The following TENM2 variants were observed in gnomAD, a reference collection of about 807,000 sequenced individuals.
The protein encoded by TENM2 is teneurin transmembrane protein 2, also known as teneurin-2.
TENM2 carries 52 observed loss-of-function variants against 245.2 expected under a neutral mutation model. The ratio of observed to expected loss-of-function variants is 0.21; its 90% CI spans 0.17 to 0.27. The LOEUF is 0.27. Among genes scored for constraint, TENM2 ranks in the 10% least tolerant of loss-of-function variants. The probability of loss-of-function intolerance (pLI) is 1.00; values close to 1 mark genes in which losing one functional copy is unlikely to be tolerated. For missense variants in TENM2, 3,046 were observed against 3,666.8 expected (o/e 0.83, Z 4.37); for synonymous variants, 1,363 against 1,438.9 (o/e 0.95, Z 1.19).
the TENM2 span, among the ~76,000 whole-genome samples, chr5:167,033,756 G>A: frequency 6.6e-5 from 10 of 152,228 alleles, no homozygotes; most frequent in Admixed American, 4.6e-4. Flanking sequence ...ATCAACATAA[G>A]TAACTTAACC....
At chr5:168,254,510 A>C (rs1015794539) in intron 27 of TENM2, among the ~76,000 whole-genome samples, 3 of 151,772 alleles carry the variant, frequency 2.0e-5, no homozygotes, top group Non-Finnish European at 4.4e-5. Context: ...GAAGGGGAGG[A>C]AGAGGAAGAA....
chr5:167,992,896 C>T, intron 4 of TENM2, 48 bp from the exon 7 acceptor site: 1 of 1,459,828 alleles, frequency 6.9e-7, no homozygotes, highest in Non-Finnish European at 9.6e-7. Flanking sequence ...CTAAATGTTG[C>T]TCCTTGGCTA....
chr5:167,824,238 A>G (rs1767775694), intron 2 of TENM2, among the ~76,000 whole-genome samples: 1 of 152,138 alleles, frequency 6.6e-6, no homozygotes, highest in Non-Finnish European at 1.5e-5. Flanking sequence ...TGACACTCTG[A>G]CAGACCCCGG....
chr5:168,086,977 A>C (rs1461224650), intron 7 of TENM2, among the ~76,000 whole-genome samples: 1 of 152,172 alleles, frequency 6.6e-6, no homozygotes, highest in Non-Finnish European at 1.5e-5. Flanking sequence ...GCCTCCTTGC[A>C]AGCCAGCTTC....
In TENM2 at chr5:167,427,517, A is replaced by T. The variant is rs1582012759; in HGVS notation, c.502+52044A>T. On this transcript the variant is annotated intron_variant, in intron 2 of 28. Coordinates refer to ENST00000518659, the Ensembl canonical transcript of TENM2. ...GGGAGGAAGAGAAGGAAGGGAAGGA[A>T]GGGAGGGAGGGAAGGATGGGAAGGA... Among the ~76,000 whole-genome samples the T allele has an allele frequency of 2.2e-5, 3 of 137,070 alleles. No homozygotes were observed. In the South Asian group the frequency reaches 8.2e-4, roughly 38 times the overall value. 89.9% of individuals were successfully genotyped at this position (137,070 alleles called of 152,430 possible).
chr5:167,705,991 ATTTATTTATT>A (rs1429025426), intron 2 of TENM2, among the ~76,000 whole-genome samples: 767 of 72,774 alleles, frequency 0.011, 8 homozygotes, highest in African/African-American at 0.075. Flanking sequence ...ATATATATAT[ATTTATTTATT>A]TATTTATTTA....
chr5:167,110,408 C>T, the TENM2 span, among the ~76,000 whole-genome samples: 1 of 152,140 alleles, frequency 6.6e-6, no homozygotes, highest in African/African-American at 2.4e-5. Flanking sequence ...CATCACCATT[C>T]AAAGTCATCC....
intron 2 of TENM2, among the ~76,000 whole-genome samples, chr5:167,404,098 G>A (rs531048760): frequency 6.6e-6 from 1 of 152,118 alleles, no homozygotes; most frequent in South Asian, 2.1e-4. Flanking sequence ...TGAAGAAAAT[G>A]ACACTTATAT....
chr5:168,038,883 C>T (rs191960608), intron 5 of TENM2, among the ~76,000 whole-genome samples: 43 of 152,208 alleles, frequency 2.8e-4, no homozygotes, highest in Non-Finnish European at 4.4e-5. Flanking sequence ...GCATGTTCCC[C>T]CAGTTTCAGG....
intron 1 of TENM2, among the ~76,000 whole-genome samples, chr5:167,307,222 A>G (rs1755732507): frequency 6.6e-6 from 1 of 152,204 alleles, no homozygotes; most frequent in African/African-American, 2.4e-5. Flanking sequence ...TGGAAATTGT[A>G]GTTCAAGCTT....
intron 2 of TENM2, among the ~76,000 whole-genome samples, chr5:167,619,292 C>T (rs1228770049): frequency 1.3e-5 from 2 of 152,032 alleles, no homozygotes; most frequent in African/African-American, 2.4e-5. Context: ...ATTCTGCTAC[C>T]TTTTCACATT....
chr5:167,035,388 G>A, the TENM2 span, among the ~76,000 whole-genome samples: 1 of 152,212 alleles, frequency 6.6e-6, no homozygotes, highest in Admixed American at 6.5e-5. Flanking sequence ...GAGTTGGCAA[G>A]TTTAACCACT....
At chr5:167,756,456 G>A (rs1762318145) in intron 2 of TENM2, among the ~76,000 whole-genome samples, 1 of 152,118 alleles carries the variant, frequency 6.6e-6, no homozygotes, top group East Asian at 1.9e-4. Flanking sequence ...AAATCTGATA[G>A]GGTTTATAAT....
chr5:167,427,522 GGGAGGGAAGGATGGGAAGGAAGGGAA>G (rs1763908581), intron 2 of TENM2, among the ~76,000 whole-genome samples: 1 of 137,272 alleles, frequency 7.3e-6, no homozygotes, highest in Non-Finnish European at 1.6e-5. Context: ...AAGGAAGGGA[GGGAGGGAAGGATGGGAAGGAAGGGAA>G]GGACGGGAAG....
At chr5:167,574,152 G>A (rs542175403) in intron 2 of TENM2, 2 of 152,158 alleles carry the variant, frequency 1.3e-5, no homozygotes, top group African/African-American at 4.8e-5. Flanking sequence ...GTTTAACATA[G>A]AAAGTACCTG....
chr5:167,536,386 T>C (rs754183827), intron 2 of TENM2, among the ~76,000 whole-genome samples: 1 of 152,148 alleles, frequency 6.6e-6, no homozygotes. Flanking sequence ...AGCAAACTTA[T>C]TCTATAAAGG....
intron 5 of TENM2, among the ~76,000 whole-genome samples, chr5:168,038,657 G>T (rs1787915729): frequency 6.6e-6 from 1 of 152,228 alleles, no homozygotes; most frequent in African/African-American, 2.4e-5. Context: ...AAATCTGTTT[G>T]CCCAAGGTAT....
chr5:167,436,779 A>G (rs1441005780), intron 2 of TENM2, among the ~76,000 whole-genome samples: 1 of 152,148 alleles, frequency 6.6e-6, no homozygotes, highest in Non-Finnish European at 1.5e-5. Context: ...AGGTGCATAC[A>G]GCTCGGGCTC....
At chr5:167,790,486 A>T (rs1263733713) in intron 2 of TENM2, among the ~76,000 whole-genome samples, 2 of 152,196 alleles carry the variant, frequency 1.3e-5, no homozygotes, top group African/African-American at 4.8e-5. Context: ...TTTTTAACAC[A>T]GAGGAACGAA....
Sources: allele counts gnomAD v4.1 joint callset (sites outside exome capture counted in the v4.1 genomes callset), GRCh38; gene constraint gnomAD v4.1.1; transcripts MANE v1.5; gene names NCBI Gene and HGNC (gene_info 2026-07-23, HGNC 2026-07-21).